AKAP13: variants seen among roughly 807,000 people sequenced by gnomAD.
AKAP13 encodes A-kinase anchor protein 13.
AKAP13 carries 80 observed loss-of-function variants against 264.5 expected under a neutral mutation model. That is an observed-to-expected ratio of 0.30 (90% CI 0.25 to 0.36). The LOEUF is 0.36. Among genes scored for constraint, AKAP13 ranks in the 10% least tolerant of loss-of-function variants. The pLI, the probability that AKAP13 is intolerant of heterozygous loss-of-function variation, is 1.00. For missense variants in AKAP13, 3,712 were observed against 3,435.2 expected (o/e 1.08, Z -2.01); for synonymous variants, 1,380 against 1,250.2 (o/e 1.10, Z -2.19).
chr15:85,631,655 A>G (rs554874718), intron 8 of AKAP13, among the ~76,000 whole-genome samples: 1 of 152,120 alleles, frequency 6.6e-6, no homozygotes, highest in African/African-American at 2.4e-5. Flanking sequence ...ACTTAATAGT[A>G]ATGTACCAGT....
rs372196322 is a variant in AKAP13 at position 85,721,465 on chromosome 15, T to C, written c.6253-526T>C. On this transcript the variant is annotated intron_variant, in intron 23 of 36. Coordinates refer to ENST00000394518, the MANE Select transcript of AKAP13 (RefSeq NM_007200.5). Reference sequence around the variant, plus strand: ...ATTTAGTGCAAAGTGAACATACCTTTAGAGGAATCATTGAGATTGCACACA... The same window carrying C: ...ATTTAGTGCAAAGTGAACATACCTTCAGAGGAATCATTGAGATTGCACACA... Among the ~76,000 whole-genome samples, 31 of 152,346 alleles carry C rather than the reference T, an allele frequency of 2.0e-4. No individual in the cohort carries two copies. In the East Asian group the frequency reaches 5.4e-3, roughly 27 times the overall value.
chr15:85,625,809 G>C (rs1077219), intron 8 of AKAP13, among the ~76,000 whole-genome samples: 2 of 151,946 alleles, frequency 1.3e-5, no homozygotes, highest in African/African-American at 4.8e-5. Context: ...ATAGTGTGGC[G>C]TTTAAGTTGC....
intron 23 of AKAP13, among the ~76,000 whole-genome samples, chr15:85,719,756 A>G (rs182918302): frequency 6.6e-6 from 1 of 151,880 alleles, no homozygotes; most frequent in Non-Finnish European, 1.5e-5. Flanking sequence ...CCAACATGAT[A>G]AAACCCTGTC....
intron 19 of AKAP13, among the ~76,000 whole-genome samples, chr15:85,715,401 A>G (rs1432670017): frequency 2.6e-5 from 4 of 152,174 alleles, no homozygotes; most frequent in Non-Finnish European, 5.9e-5. Context: ...ACATAACATC[A>G]TTTCACGAAT....
At chr15:85,737,705 T>C (rs2088643078) in intron 33 of AKAP13, among the ~76,000 whole-genome samples, 1 of 152,140 alleles carries the variant, frequency 6.6e-6, no homozygotes, top group African/African-American at 2.4e-5. Flanking sequence ...CTGCTTGAAA[T>C]TAGCTCACAG....
At chr15:85,534,919 A>G (rs980311710) in intron 4 of AKAP13, 1 of 152,206 alleles carries the variant, frequency 6.6e-6, no homozygotes, top group African/African-American at 2.4e-5. Context: ...TTCTGAGTTC[A>G]AGTCCAATTG....
chr15:85,689,063 T>C (rs79801260), intron 16 of AKAP13, among the ~76,000 whole-genome samples: 1,847 of 152,342 alleles, frequency 0.012, 122 homozygotes, highest in Admixed American at 0.11. Context: ...ACCAACCTAA[T>C]ACTAAGCTTT....
In AKAP13 at chr15:85,627,342, TCTTA is replaced by T. The variant is rs146548317; in HGVS notation, c.4162-12028_4162-12025del. ...TGTGGATCTTTGACCTGTTTTTCTC[TCTTA>T]CTTCTGTGAATTTTGCCCTTTGTAC... is the stretch of plus-strand genomic sequence containing the variant. On this transcript the variant is annotated intron_variant, in intron 8 of 36. Coordinates refer to ENST00000394518, the MANE Select transcript of AKAP13 (RefSeq NM_007200.5). 4.9e-3 allele frequency among the ~76,000 whole-genome samples: 739 copies of T among 152,290 alleles called. 6 individuals carry two copies. Among genetic ancestry groups the T allele is most frequent in the African/African-American group, 0.017 (688 of 41,560 alleles).
At chr15:85,548,673 A>G (rs939127573) in intron 5 of AKAP13, among the ~76,000 whole-genome samples, 13 of 152,206 alleles carry the variant, frequency 8.5e-5, no homozygotes, top group Non-Finnish European at 1.8e-4. Flanking sequence ...AATAATAATA[A>G]TGACATCAGT....
chr15:85,643,562 GT>G (rs2082408640), intron 9 of AKAP13, among the ~76,000 whole-genome samples: 1 of 152,202 alleles, frequency 6.6e-6, no homozygotes, highest in Non-Finnish European at 1.5e-5. Context: ...GACGTTGGAA[GT>G]TATGTAGTCC....
intron 10 of AKAP13, among the ~76,000 whole-genome samples, chr15:85,650,582 C>G (rs2082758123): frequency 6.6e-6 from 1 of 151,074 alleles, no homozygotes; most frequent in Non-Finnish European, 1.5e-5. Context: ...ATGGTGAAAC[C>G]CCATCTCTAT....
At position 85,727,033 on chromosome 15, in the gene AKAP13, G is replaced by A; in HGVS notation, c.6823-33G>A. 6.2e-7 allele frequency: 1 copy of A among 1,611,526 alleles called. No homozygotes were observed. The highest frequency in any genetic ancestry group is 8.5e-7 in the Non-Finnish European group (1 of 1,177,892). On this transcript the variant is annotated intron_variant, in intron 27 of 36. Transcript: ENST00000394518. This position sits in a 1 kb window ranked among gnomAD's most constrained non-coding sequence, Gnocchi z 5.3. ...CCTTCAGAGTTAGAATATTGTATAT[G>A]TATCTTTTATTTGCCCTCTTCCCTT...
At chr15:85,430,881 T>C (rs2072997949) in intron 1 of AKAP13, among the ~76,000 whole-genome samples, 1 of 152,302 alleles carries the variant, frequency 6.6e-6, no homozygotes, top group Non-Finnish European at 1.5e-5. Flanking sequence ...GTCAAAGAGC[T>C]AACAAATGAA....
chr15:85,556,940 T>G (rs1425352925), intron 5 of AKAP13, among the ~76,000 whole-genome samples: 1 of 152,192 alleles, frequency 6.6e-6, no homozygotes, highest in Non-Finnish European at 1.5e-5. Flanking sequence ...ACATACAGAG[T>G]AAATAAAAAT....
intron 16 of AKAP13, among the ~76,000 whole-genome samples, chr15:85,686,501 G>C (rs2084938126): frequency 6.6e-6 from 1 of 151,960 alleles, no homozygotes; most frequent in South Asian, 2.1e-4. Context: ...TGCAAGTACA[G>C]AATGGAGAGA....
At chr15:85,722,148 T>C in intron 24 of AKAP13, 32 bp downstream of exon 24, 3 of 1,613,138 alleles carry the variant, frequency 1.9e-6, no homozygotes, top group South Asian at 2.2e-5. Context: ...ATCCCCGTTA[T>C]TGTTGAGAGC....
intron 1 of AKAP13, among the ~76,000 whole-genome samples, chr15:85,442,505 A>AT (rs2073727753): frequency 2.7e-5 from 3 of 111,272 alleles, no homozygotes; most frequent in Admixed American, 9.5e-5. Context: ...ATATTATATT[A>AT]TATATAATAT....
At chr15:85,730,844 T>A in intron 30 of AKAP13, 137 bp downstream of exon 30, 2 of 777,912 alleles carry the variant, frequency 2.6e-6, no homozygotes, top group Non-Finnish European at 4.0e-6. Context: ...TTCACTATAG[T>A]AAATTATCAG....
intron 9 of AKAP13, among the ~76,000 whole-genome samples, chr15:85,644,344 G>A (rs952417691): frequency 6.6e-6 from 1 of 151,476 alleles, no homozygotes; most frequent in Non-Finnish European, 1.5e-5. Flanking sequence ...GGGTTCAAGC[G>A]ATTCTTCTGC....
Sources: allele counts gnomAD v4.1 joint callset (sites outside exome capture counted in the v4.1 genomes callset), GRCh38; gene constraint gnomAD v4.1.1; non-coding constraint Gnocchi (gnomAD v3.1); transcripts MANE v1.5; gene names NCBI Gene and HGNC (gene_info 2026-07-23, HGNC 2026-07-21).